ERBB4: variants seen among roughly 807,000 people sequenced by gnomAD.
ERBB4 encodes receptor tyrosine-protein kinase erbB-4.
A neutral mutation model predicts 158.0 loss-of-function variants in ERBB4; 42 were observed. The ratio of observed to expected loss-of-function variants is 0.27; its 90% CI spans 0.21 to 0.34. The LOEUF (loss-of-function observed/expected upper bound fraction) is 0.34. Ranked by LOEUF, ERBB4 falls within the 10% of genes least tolerant of loss-of-function variation. The pLI is 1.00. For missense variants in ERBB4, 1,333 were observed against 1,624.1 expected (o/e 0.82, Z 3.08); for synonymous variants, 583 against 558.7 (o/e 1.04, Z -0.61).
intron 3 of ERBB4, among the ~76,000 whole-genome samples, chr2:211,840,445 C>G (rs954959500): frequency 6.6e-6 from 1 of 152,066 alleles, no homozygotes; most frequent in Non-Finnish European, 1.5e-5. Flanking sequence ...TCACTTGTAA[C>G]GTTTGCCCTC....
chr2:212,304,941 T>A (rs1392192901), intron 1 of ERBB4, among the ~76,000 whole-genome samples: 1 of 151,102 alleles, frequency 6.6e-6, no homozygotes, highest in African/African-American at 2.4e-5. Flanking sequence ...TGCGTACATG[T>A]CTGTGTGTGT....
intron 5 of ERBB4, among the ~76,000 whole-genome samples, chr2:211,734,909 C>CAA (rs570006497): frequency 0.021 from 1,449 of 68,976 alleles, 164 homozygotes; most frequent in African/African-American, 0.079. Flanking sequence ...GAGACTCTGT[C>CAA]AAAAAAAAAA....
chr2:211,883,816 C>T (rs140114975), intron 3 of ERBB4, among the ~76,000 whole-genome samples: 5 of 152,068 alleles, frequency 3.3e-5, no homozygotes, highest in East Asian at 3.9e-4. Flanking sequence ...AAATAAAATA[C>T]GTTACTCTTT....
At chr2:211,458,700 A>G (rs983063061) in intron 20 of ERBB4, among the ~76,000 whole-genome samples, 1 of 152,190 alleles carries the variant, frequency 6.6e-6, no homozygotes, top group African/African-American at 2.4e-5. Context: ...ATCGTACTCC[A>G]TTAAAAAGGA....
At chr2:211,870,850 C>T (rs2078326275) in intron 3 of ERBB4, among the ~76,000 whole-genome samples, 2 of 152,060 alleles carry the variant, frequency 1.3e-5, no homozygotes, top group Non-Finnish European at 2.9e-5. Context: ...GGGTTTTGAT[C>T]AAGAATGCCT....
intron 1 of ERBB4, among the ~76,000 whole-genome samples, chr2:212,458,645 G>A (rs535740146): frequency 7.9e-5 from 12 of 151,964 alleles, no homozygotes; most frequent in South Asian, 4.1e-4. Context: ...AAAATCATTC[G>A]AGCACAGTGT....
At chr2:211,967,944 G>T (rs140696911) in intron 2 of ERBB4, among the ~76,000 whole-genome samples, 2 of 151,802 alleles carry the variant, frequency 1.3e-5, no homozygotes, top group African/African-American at 2.4e-5. Context: ...GATGTTAACT[G>T]TATAAAACAA....
At chr2:212,191,842 A>G (rs1318575632) in intron 1 of ERBB4, among the ~76,000 whole-genome samples, 5 of 132,062 alleles carry the variant, frequency 3.8e-5, no homozygotes, top group African/African-American at 1.3e-4. Context: ...TATATATAAT[A>G]CATGTTATAT....
chr2:212,344,515 T>C (rs900275965), intron 1 of ERBB4, among the ~76,000 whole-genome samples: 1 of 152,018 alleles, frequency 6.6e-6, no homozygotes, highest in Non-Finnish European at 1.5e-5. Context: ...TGTGCATATA[T>C]ATGTATGTGT....
rs1559317425 is a variant in ERBB4, at chr2:211,580,855, G to GA, written c.2302-18768_2302-18767insT. Among the ~76,000 whole-genome samples, 28 of 13,894 alleles carry GA rather than the reference G, an allele frequency of 2.0e-3. 2 individuals are homozygous for GA. Among genetic ancestry groups the GA allele is most frequent in the Admixed American group, 7.5e-3 (3 of 398 alleles). The allele number at this position is 13,894 out of a possible 152,430, so 9.1% of individuals were successfully genotyped here. A position where few individuals can be genotyped will look rare whatever the true frequency, so the allele number is the denominator to read the frequency against. On this transcript the variant is annotated intron_variant, in intron 19 of 27. Coordinates refer to ENST00000342788, the MANE Select transcript of ERBB4 (RefSeq NM_005235.3). ...ATATAGATTATATATTATATATATA[G>GA]TATGCATATACATATATATATATAT...
At chr2:212,191,686 CATGTTACATATAACACGTGTT>C (rs2082221674) in intron 1 of ERBB4, among the ~76,000 whole-genome samples, 1 of 51,578 alleles carries the variant, frequency 1.9e-5, no homozygotes, top group Non-Finnish European at 4.9e-5. Context: ...GTGTGTTATA[CATGTTACATATAACACGTGTT>C]ATACATGTTA....
chr2:212,293,938 A>G (rs2086315095), intron 1 of ERBB4, among the ~76,000 whole-genome samples: 1 of 151,302 alleles, frequency 6.6e-6, no homozygotes, highest in African/African-American at 2.4e-5. Flanking sequence ...AGAGAATATG[A>G]ACTCTCTCCA....
At chr2:211,893,979 C>G (rs1454399632) in intron 3 of ERBB4, among the ~76,000 whole-genome samples, 2 of 141,704 alleles carry the variant, frequency 1.4e-5, no homozygotes, top group South Asian at 2.4e-4. Context: ...TAAACTAGTT[C>G]AACCATTGTG....
At chr2:211,717,940 C>A (rs1464504626) in intron 7 of ERBB4, among the ~76,000 whole-genome samples, 1 of 152,070 alleles carries the variant, frequency 6.6e-6, no homozygotes, top group Non-Finnish European at 1.5e-5. Flanking sequence ...CAGAGTTTTG[C>A]TCTTTTTGCC....
At chr2:211,834,726 A>G (rs1296187688) in intron 3 of ERBB4, among the ~76,000 whole-genome samples, 1 of 152,098 alleles carries the variant, frequency 6.6e-6, no homozygotes, top group Non-Finnish European at 1.5e-5. Context: ...TATCAATACA[A>G]TTTGTTGTAG....
intron 25 of ERBB4, among the ~76,000 whole-genome samples, chr2:211,409,603 T>A (rs116286973): frequency 3.2e-4 from 48 of 152,278 alleles, no homozygotes; most frequent in Admixed American, 6.5e-4. Flanking sequence ...CACAGAGGCA[T>A]AAATCGAGCA....
chr2:212,051,801 C>G (rs1021932648), intron 2 of ERBB4, among the ~76,000 whole-genome samples: 2 of 152,082 alleles, frequency 1.3e-5, no homozygotes, highest in African/African-American at 4.8e-5. Context: ...ATTTTATTAA[C>G]ATTTAAAAAT....
Position 211,643,777 on chromosome 2 carries a change from T to C in ERBB4, c.1947-13183A>G, listed in dbSNP as rs73080728. 9.4e-3 allele frequency among the ~76,000 whole-genome samples: 1,434 copies of C among 152,100 alleles called. 21 individuals are homozygous for C. Among genetic ancestry groups the C allele is most frequent in the African/African-American group, 0.033 (1,360 of 41,538 alleles). ...GGGGACAGGGGTGGGAGGAAGTGCC[T>C]CACACATTTGTAAGTAACACTAAGT... On this transcript the variant is annotated intron_variant, in intron 16 of 27. Transcript: ENST00000342788.
chr2:211,577,793 G>T (rs562194940), intron 19 of ERBB4, among the ~76,000 whole-genome samples: 5 of 151,922 alleles, frequency 3.3e-5, no homozygotes, highest in Admixed American at 3.3e-4. Context: ...AATAAACTAG[G>T]TATTAAAGGA....
Sources: allele counts gnomAD v4.1 joint callset (sites outside exome capture counted in the v4.1 genomes callset), GRCh38; gene constraint gnomAD v4.1.1; transcripts MANE v1.5; gene names NCBI Gene and HGNC (gene_info 2026-07-23, HGNC 2026-07-21).